The following NPRL3 variants were observed in gnomAD, a reference collection of about 807,000 sequenced individuals.
The protein encoded by NPRL3 is GATOR1 complex protein NPRL3.
Under a neutral mutation model 57.2 loss-of-function variants are expected in NPRL3, and 23 were observed. The ratio of observed to expected loss-of-function variants is 0.40; its 90% CI spans 0.29 to 0.57. NPRL3 has a LOEUF of 0.57. Among genes scored for constraint, NPRL3 ranks in the 20% least tolerant of loss-of-function variants. The probability of loss-of-function intolerance (pLI) is 0.42; values close to 1 mark genes in which losing one functional copy is unlikely to be tolerated. For missense variants in NPRL3, 691 were observed against 767.1 expected (o/e 0.90, Z 1.17); for synonymous variants, 333 against 321.1 (o/e 1.04, Z -0.39).
chr16:87,954 A>C (rs1446588432), intron 13 of NPRL3, among the ~76,000 whole-genome samples: 3 of 150,442 alleles, frequency 2.0e-5, no homozygotes, highest in South Asian at 2.1e-4. Context: ...GGCACAGAGG[A>C]GGCTAGGATG....
chr16:88,680 G>A lies in NPRL3; in HGVS notation c.1544+18C>T, dbSNP rs147148279. On this transcript the variant is annotated intron_variant, in intron 13 of 13. Transcript: ENST00000611875. Reference sequence around the variant, plus strand: ...CCCTGCAACTGGCCCCAGTCCCAACGGGTCAACCTACACCCACCTGGCAAA... The same window carrying A: ...CCCTGCAACTGGCCCCAGTCCCAACAGGTCAACCTACACCCACCTGGCAAA... 1,193 of 1,595,064 alleles carry A rather than the reference G, an allele frequency of 7.5e-4. 6 individuals are homozygous for A. The African/African-American group carries it at 0.013, about 18-fold the overall frequency.
At chr16:92,546 T>C (rs2141907529) in intron 11 of NPRL3, 50 bp downstream of exon 11, 2 of 1,595,822 alleles carry the variant, frequency 1.3e-6, no homozygotes, top group East Asian at 2.3e-5. Flanking sequence ...AGGTAGTGCC[T>C]ATCCACTACA....
At chr16:133,452 G>A (rs1004985098) in intron 2 of NPRL3, among the ~76,000 whole-genome samples, 2 of 151,812 alleles carry the variant, frequency 1.3e-5, no homozygotes, top group Admixed American at 6.6e-5. Context: ...GGCTGGTCTC[G>A]AACTTCTGAC....
rs568978966 is a variant in NPRL3, at chr16:103,944, G to A, written c.630-3435C>T. Among the ~76,000 whole-genome samples the A allele has an allele frequency of 2.9e-3, 441 of 152,254 alleles. 1 individual carries two copies. The highest frequency in any genetic ancestry group is 3.2e-3 in the Non-Finnish European group (220 of 68,010). ...AGACTGACCAACAGGGAGAAACCCCGTCTCTATTAAAAGTACAAAATTAGC... is the reference window on the plus strand; with the variant it reads ...AGACTGACCAACAGGGAGAAACCCCATCTCTATTAAAAGTACAAAATTAGC... On this transcript the variant is annotated intron_variant, in intron 7 of 13. Transcript: ENST00000611875.
Position 89,782 on chromosome 16 carries a change from C to G in NPRL3, c.1282G>C (p.Val428Leu), listed in dbSNP as rs771113936. 81 of 1,601,426 alleles carry G rather than the reference C, an allele frequency of 5.1e-5. No individual in the cohort carries two copies. The highest frequency in any genetic ancestry group is 6.8e-5 in the Non-Finnish European group (80 of 1,175,540). ...EEEPRPREDD[V>L]PFTARVGGRS... ...CCGCCGACCCGGGCAGTGAAGGGGA[C>G]GTCGTCCTCTCGCGGACGGGGCTCC... Residue 428 changes from valine to leucine, a missense_variant, in exon 12 of 14, where the codon GTC (valine) becomes CTC (leucine). Val to Leu is a conservative substitution (Grantham distance 32). Coordinates refer to ENST00000611875, the MANE Select transcript of NPRL3 (RefSeq NM_001077350.3).
chr16:127,235 ATTT>A (rs35559832), intron 3 of NPRL3: 42 of 99,824 alleles, frequency 4.2e-4, no homozygotes, highest in East Asian at 1.8e-3. Context: ...GCACTGTCCA[ATTT>A]TTTTTTTTTT....
chr16:120,322 G>A (rs1186533657), intron 3 of NPRL3, among the ~76,000 whole-genome samples: 5 of 152,170 alleles, frequency 3.3e-5, no homozygotes, highest in Non-Finnish European at 5.9e-5. Flanking sequence ...AGACCACTGA[G>A]GACAGACATT....
intron 7 of NPRL3, among the ~76,000 whole-genome samples, chr16:107,023 G>C (rs1899560875): frequency 1.3e-5 from 2 of 152,338 alleles, no homozygotes; most frequent in African/African-American, 2.4e-5. Flanking sequence ...GAGAAACATA[G>C]CTGCCAGCAT....
chr16:101,298 G>A (rs1230424263), intron 7 of NPRL3, among the ~76,000 whole-genome samples: 1 of 152,212 alleles, frequency 6.6e-6, no homozygotes, highest in Non-Finnish European at 1.5e-5. Flanking sequence ...AAGTCCCCCA[G>A]AGTGTTCCAG....
rs1394224081 is a variant in NPRL3 at position 95,346 on chromosome 16, T to TACAC, written c.925-2022_925-2021insGTGT. On this transcript the variant is annotated intron_variant, in intron 9 of 13. Coordinates refer to ENST00000611875, the MANE Select transcript of NPRL3 (RefSeq NM_001077350.3). ...GTGTGTATATATATATATATATATA[T>TACAC]ATATACACACACACACACACACACA... Among the ~76,000 whole-genome samples the TACAC allele has an allele frequency of 1.6e-3, 73 of 46,406 alleles. 1 individual carries two copies. The highest frequency in any genetic ancestry group is 3.1e-3 in the African/African-American group (64 of 20,376). The allele number at this position is 46,406 out of a possible 152,430, so 30.4% of individuals were successfully genotyped here.
Position 88,909 on chromosome 16 carries a change from A to C in NPRL3, c.1352-19T>G, listed in dbSNP as rs1389896900. 1 of 1,598,224 alleles carries C rather than the reference A, an allele frequency of 6.3e-7. No individual in the cohort carries two copies. On this transcript the variant is annotated intron_variant, in intron 12 of 13. Transcript: ENST00000611875. ...CTGCTGGCTGTGGGGGACATGGGTC[A>C]GGGTGACCAAGTGGAATTCCAGGAC... is the stretch of plus-strand genomic sequence containing the variant.
At chr16:127,758 C>T (rs1203583052) in intron 3 of NPRL3, among the ~76,000 whole-genome samples, 4 of 150,406 alleles carry the variant, frequency 2.7e-5, no homozygotes, top group African/African-American at 9.8e-5. Flanking sequence ...GGGTTCACGC[C>T]ATTCTCCTGC....
chr16:116,708 A>G (rs920450119), intron 5 of NPRL3, among the ~76,000 whole-genome samples: 2 of 151,524 alleles, frequency 1.3e-5, no homozygotes, highest in Admixed American at 6.6e-5. Context: ...CACGCCTGTA[A>G]TCCCAGCAGT....
intron 11 of NPRL3, among the ~76,000 whole-genome samples, chr16:92,280 G>A (rs1353575844): frequency 1.3e-5 from 2 of 152,276 alleles, no homozygotes; most frequent in East Asian, 3.9e-4. Context: ...AGGCAGGTCT[G>A]TAGGCCCAGA....
intron 7 of NPRL3, among the ~76,000 whole-genome samples, chr16:106,983 G>A (rs1899559098): frequency 6.6e-6 from 1 of 152,184 alleles, no homozygotes. Flanking sequence ...GATGGGTACA[G>A]GGAGGGTACT....
Position 93,340 on chromosome 16 carries a change from G to A in NPRL3, c.925-15C>T. 6.6e-7 allele frequency: 1 copy of A among 1,515,450 alleles called. No homozygotes were observed. Among genetic ancestry groups the A allele is most frequent in the Non-Finnish European group, 9.0e-7 (1 of 1,113,798 alleles). 93.9% of individuals were successfully genotyped at this position (1,515,450 alleles called of 1,614,324 possible). ...AGCTGGAAAACCTGCAGGCAAAAGG[G>A]AAGCTGCAAGGACCATGCCTGAGGC... On this transcript the variant is annotated splice_polypyrimidine_tract_variant and intron_variant, in intron 9 of 13. Transcript: ENST00000611875.
At chr16:124,347 T>C (rs545324488) in intron 3 of NPRL3, among the ~76,000 whole-genome samples, 3 of 151,922 alleles carry the variant, frequency 2.0e-5, no homozygotes, top group African/African-American at 4.8e-5. Context: ...TCTTTTCTTT[T>C]CTTTTTTTTT....
intron 8 of NPRL3, among the ~76,000 whole-genome samples, chr16:99,450 C>T (rs968788227): frequency 1.3e-5 from 2 of 151,984 alleles, no homozygotes; most frequent in Non-Finnish European, 2.9e-5. Flanking sequence ...CAAGACGAGC[C>T]TGGCCAACAT....
chr16:107,030 G>A (rs1899561120), intron 7 of NPRL3, among the ~76,000 whole-genome samples: 1 of 152,222 alleles, frequency 6.6e-6, no homozygotes, highest in South Asian at 2.1e-4. Context: ...ATAGCTGCCA[G>A]CATCCCTGGG....
Sources: gnomAD v4.1 joint callset for allele counts (sites outside exome capture counted in the v4.1 genomes callset) on GRCh38, gnomAD v4.1.1 for gene constraint, MANE v1.5 for transcripts, NCBI Gene and HGNC (gene_info 2026-07-23, HGNC 2026-07-21) for gene names.